DIAPH2: variants seen among roughly 807,000 people sequenced by gnomAD.
The protein encoded by DIAPH2 is diaphanous related formin 2.
Under a neutral mutation model 92.7 loss-of-function variants are expected in DIAPH2, and 35 were observed. The ratio of observed to expected loss-of-function variants is 0.38; its 90% CI spans 0.29 to 0.50. The LOEUF (loss-of-function observed/expected upper bound fraction) is 0.50, where lower values mean the gene tolerates loss of function less well. DIAPH2 is among the 20% of genes least tolerant of loss of function. The pLI is 0.94. For missense variants in DIAPH2, 701 were observed against 819.5 expected (o/e 0.86, Z 1.77); for synonymous variants, 301 against 280.4 (o/e 1.07, Z -0.73).
At chrX:97,422,842 A>G (rs1464563374) in intron 25 of DIAPH2, among the ~76,000 whole-genome samples, 1 of 112,054 alleles carries the variant, frequency 8.9e-6, no homozygotes, top group African/African-American at 3.2e-5. Context: ...TTCAAAAACT[A>G]TGAAGGGTCA....
intron 17 of DIAPH2, among the ~76,000 whole-genome samples, chrX:97,064,364 T>C (rs1305764803): frequency 9.0e-6 from 1 of 110,981 alleles, no homozygotes; most frequent in Non-Finnish European, 1.9e-5. Context: ...TGTGAGCATA[T>C]AGCTCCACTC....
At chrX:97,006,769 A>G (rs1014786564) in intron 17 of DIAPH2, among the ~76,000 whole-genome samples, 1 of 111,739 alleles carries the variant, frequency 8.9e-6, no homozygotes, top group Admixed American at 9.5e-5. Context: ...CTTACATTCA[A>G]TGTTATTATT....
chrX:97,137,476 T>C (rs148146948), intron 21 of DIAPH2, among the ~76,000 whole-genome samples: 1,503 of 107,629 alleles, frequency 0.014, 25 homozygotes, highest in African/African-American at 0.049. Flanking sequence ...AGAGCTCATA[T>C]TGAGTGTGAG....
intron 22 of DIAPH2, among the ~76,000 whole-genome samples, chrX:97,223,086 C>A (rs1232448201): frequency 9.0e-6 from 1 of 111,655 alleles, no homozygotes; most frequent in African/African-American, 3.3e-5. Context: ...AACCCAGCCT[C>A]CCAAATTGTT....
At chrX:97,073,906 G>A (rs1040799063) in intron 18 of DIAPH2, among the ~76,000 whole-genome samples, 3 of 111,834 alleles carry the variant, frequency 2.7e-5, no homozygotes, top group African/African-American at 3.2e-5. Context: ...CAAAGTTGAC[G>A]TTCAGTACTT....
chrX:97,111,634 C>T (rs2066981166), intron 20 of DIAPH2, among the ~76,000 whole-genome samples: 2 of 111,840 alleles, frequency 1.8e-5, no homozygotes, highest in Admixed American at 9.5e-5. Context: ...TATCTTCCTA[C>T]TGTCAACATG....
intron 22 of DIAPH2, among the ~76,000 whole-genome samples, chrX:97,149,305 T>C (rs2067268114): frequency 8.9e-6 from 1 of 111,945 alleles, no homozygotes; most frequent in African/African-American, 3.2e-5. Flanking sequence ...AATATACCAA[T>C]GTGACAAAAT....
At chrX:96,954,436 T>C (rs1358758700) in intron 15 of DIAPH2, among the ~76,000 whole-genome samples, 1 of 112,318 alleles carries the variant, frequency 8.9e-6, no homozygotes, top group Non-Finnish European at 1.9e-5. Flanking sequence ...TTCCCTTTCA[T>C]CTGTTATCCA....
At chrX:97,018,266 G>A (rs2066273726) in intron 17 of DIAPH2, among the ~76,000 whole-genome samples, 1 of 112,018 alleles carries the variant, frequency 8.9e-6, no homozygotes, top group Non-Finnish European at 1.9e-5. Flanking sequence ...GGAGAGGCTA[G>A]CATCTTAAAA....
chrX:96,813,291 CT>C (rs202199306), intron 4 of DIAPH2, among the ~76,000 whole-genome samples: 7,234 of 109,519 alleles, frequency 0.066, 222 homozygotes, highest in Middle Eastern at 0.17. Context: ...TTCTTTGTCT[CT>C]TTTGATCTTT....
intron 23 of DIAPH2, among the ~76,000 whole-genome samples, chrX:97,344,447 T>G (rs2069139019): frequency 9.0e-6 from 1 of 111,655 alleles, no homozygotes; most frequent in Non-Finnish European, 1.9e-5. Flanking sequence ...AAATAATAAG[T>G]TTTTAAAATT....
intron 26 of DIAPH2, among the ~76,000 whole-genome samples, chrX:97,530,365 C>A (rs1195555765): frequency 8.9e-6 from 1 of 111,758 alleles, no homozygotes; most frequent in African/African-American, 3.3e-5. Flanking sequence ...AGAGGAGCAG[C>A]CCCAAGAAAC....
chrX:97,511,354 T>C (rs2070890776), intron 26 of DIAPH2, among the ~76,000 whole-genome samples: 1 of 76,262 alleles, frequency 1.3e-5, no homozygotes, highest in African/African-American at 5.7e-5. Context: ...TTTTGTACAT[T>C]GATTTTGTAT....
Position 97,072,977 on chromosome X carries a change from C to T in DIAPH2, c.2087C>T (p.Thr696Ile). The change falls in exon 18 of 27, where the codon ACT (threonine) becomes ATT (isoleucine). Residue 696 changes from threonine to isoleucine, a missense_variant. Around this residue, in one of 3 missense-constraint regions of DIAPH2, gnomAD observed 536 missense variants for 599.3 expected, o/e 0.89. Coordinates refer to ENST00000324765, the MANE Select transcript of DIAPH2 (RefSeq NM_006729.5). Reference sequence around the variant, plus strand: ...GCAGAAGCATTAGAAGAAAAGAAGACTGGGCCTACAAAGAAGAAAGTGAAA... The same window carrying T: ...GCAGAAGCATTAGAAGAAAAGAAGATTGGGCCTACAAAGAAGAAAGTGAAA... ...KNAEALEEKKTGPTKKKVKEL... is the reference protein window; with the variant it reads ...KNAEALEEKKIGPTKKKVKEL... 8.3e-7 allele frequency: 1 copy of T among 1,202,858 alleles called. No homozygotes were observed. Among genetic ancestry groups the T allele is most frequent in the Non-Finnish European group, 1.1e-6 (1 of 892,374 alleles).
intron 22 of DIAPH2, among the ~76,000 whole-genome samples, chrX:97,237,466 G>T (rs778490387): frequency 3.0e-4 from 33 of 111,018 alleles, no homozygotes; most frequent in Non-Finnish European, 6.0e-4. Flanking sequence ...CCAATATCAA[G>T]TCGAAAAGAC....
chrX:97,301,113 T>C lies in DIAPH2; in HGVS notation c.2845-47003T>C, dbSNP rs925063114. Among the ~76,000 whole-genome samples, 101 of 94,392 alleles carry C rather than the reference T, an allele frequency of 1.1e-3. 1 individual carries two copies. The Admixed American group carries it at 0.011, about 10-fold the overall frequency. 82.0% of individuals were successfully genotyped at this position (94,392 alleles called of 115,157 possible). ...AGTCAGGAGATCGACATCGCGCCAC[T>C]GCACTCCAGCGTAGGCCACAGAGCG... On this transcript the variant is annotated intron_variant, in intron 23 of 26. Transcript: ENST00000324765.
intron 17 of DIAPH2, among the ~76,000 whole-genome samples, chrX:97,068,687 T>G (rs1448942110): frequency 1.8e-5 from 2 of 112,203 alleles, no homozygotes; most frequent in African/African-American, 6.5e-5. Flanking sequence ...AACCAATATG[T>G]TAAAAAATTA....
chrX:97,515,693 A>T (rs189694403), intron 26 of DIAPH2, among the ~76,000 whole-genome samples: 2 of 111,381 alleles, frequency 1.8e-5, no homozygotes, highest in East Asian at 5.7e-4. Flanking sequence ...TTGTATCTTC[A>T]GAGATAAGGA....
chrX:96,948,929 T>C lies in DIAPH2; in HGVS notation c.1510-6T>C. 2 of 1,154,521 alleles carry C rather than the reference T, an allele frequency of 1.7e-6. No individual in the cohort carries two copies. The highest frequency in any genetic ancestry group is 3.0e-5 in the East Asian group (1 of 33,291). ...ATTAACTGTACATTGATGGTGATCA[T>C]TGCAGTTCGATGAAGAATTCACAGC... is the stretch of plus-strand genomic sequence containing the variant. On this transcript the variant is annotated splice_polypyrimidine_tract_variant and splice_region_variant and intron_variant, in intron 14 of 26. Transcript: ENST00000324765.
Sources: gnomAD v4.1 joint callset for allele counts (sites outside exome capture counted in the v4.1 genomes callset) on GRCh38, gnomAD v4.1.1 for gene constraint, gnomAD v4.1.1 regional missense constraint, MANE v1.5 for transcripts, NCBI Gene and HGNC (gene_info 2026-07-23, HGNC 2026-07-21) for gene names.